Variants in GPC5 observed in about 807,000 individuals in gnomAD.
The protein encoded by GPC5 is glypican 5.
In GPC5, 47 loss-of-function variants were observed where a neutral mutation model predicts 53.9. That is an observed-to-expected ratio of 0.87 (90% CI 0.69 to 1.11). GPC5 has a LOEUF of 1.11. Ranked by LOEUF, GPC5 falls within the 50% of genes most tolerant of loss-of-function variation. GPC5 has a pLI of 0.00. For synonymous variants in GPC5, 286 were observed against 263.3 expected (o/e 1.09, Z -0.84); for missense variants, 748 against 713.1 (o/e 1.05, Z -0.56).
intron 7 of GPC5, among the ~76,000 whole-genome samples, chr13:92,167,439 C>T (rs762678965): frequency 1.3e-4 from 20 of 151,738 alleles, no homozygotes; most frequent in Non-Finnish European, 2.1e-4. Flanking sequence ...AAAAGCAATG[C>T]AAATGATTGA....
chr13:92,130,428 C>T (rs2041733863), intron 6 of GPC5, among the ~76,000 whole-genome samples: 1 of 151,378 alleles, frequency 6.6e-6, no homozygotes, highest in Admixed American at 6.6e-5. Context: ...ATATGATTAA[C>T]ACATTTTACA....
intron 7 of GPC5, among the ~76,000 whole-genome samples, chr13:92,781,893 G>A (rs760052560): frequency 2.1e-4 from 32 of 152,176 alleles, no homozygotes; most frequent in Admixed American, 8.5e-4. Flanking sequence ...CAGCTGTGAC[G>A]CTGCAGAGCA....
At chr13:91,599,949 C>A (rs115190769) in intron 2 of GPC5, among the ~76,000 whole-genome samples, 1 of 152,116 alleles carries the variant, frequency 6.6e-6, no homozygotes, top group African/African-American at 2.4e-5. Context: ...TGAAACGGAG[C>A]CTTGCTGTGT....
At chr13:91,399,237 C>T in intron 1 of GPC5, 28 bp downstream of exon 1, 1 of 1,601,996 alleles carries the variant, frequency 6.2e-7, no homozygotes, top group South Asian at 1.1e-5. Context: ...GGTCTCTGGA[C>T]TGGCGGCGTC....
intron 2 of GPC5, among the ~76,000 whole-genome samples, chr13:91,503,644 G>A (rs1566457401): frequency 6.6e-6 from 1 of 151,608 alleles, no homozygotes; most frequent in Non-Finnish European, 1.5e-5. Flanking sequence ...GCTGGGCATG[G>A]TGGTGTGTGC....
At chr13:92,589,986 G>A (rs1213084511) in intron 7 of GPC5, among the ~76,000 whole-genome samples, 1 of 152,198 alleles carries the variant, frequency 6.6e-6, no homozygotes, top group Non-Finnish European at 1.5e-5. Flanking sequence ...GAAGAGATGA[G>A]TGCATAATTA....
chr13:91,867,356 C>T (rs73614161), intron 5 of GPC5, among the ~76,000 whole-genome samples: 4,256 of 152,316 alleles, frequency 0.028, 210 homozygotes, highest in African/African-American at 0.096. Context: ...CTCTAATCTT[C>T]TACACCTTTT....
In GPC5 at chr13:92,459,979, G is replaced by A. The variant is rs114160018; in HGVS notation, c.1561+314990G>A. On this transcript the variant is annotated intron_variant, in intron 7 of 7. Coordinates refer to ENST00000377067, the MANE Select transcript of GPC5 (RefSeq NM_004466.6). ...TTTATCTTTGTATCTTTACCACATA[G>A]CAAAATAACTGGTAGAATTCACTTT... 3.2e-3 allele frequency among the ~76,000 whole-genome samples: 480 copies of A among 152,020 alleles called. 1 individual carries two copies. Among genetic ancestry groups the A allele is most frequent in the African/African-American group, 0.011 (443 of 41,494 alleles).
intron 7 of GPC5, among the ~76,000 whole-genome samples, chr13:92,488,172 C>A (rs1040642787): frequency 6.6e-6 from 1 of 152,036 alleles, no homozygotes; most frequent in Non-Finnish European, 1.5e-5. Context: ...TAAATTTAAT[C>A]CAGTATCAAA....
At chr13:92,118,942 T>C (rs754643095) in intron 6 of GPC5, among the ~76,000 whole-genome samples, 4 of 152,256 alleles carry the variant, frequency 2.6e-5, no homozygotes, top group African/African-American at 9.6e-5. Context: ...TTAAATACTT[T>C]AACCACTAAA....
chr13:91,608,041 T>C (rs762614879), intron 2 of GPC5, among the ~76,000 whole-genome samples: 3 of 152,218 alleles, frequency 2.0e-5, no homozygotes, highest in Non-Finnish European at 4.4e-5. Flanking sequence ...CATTTTCATA[T>C]TATTAAACAA....
intron 6 of GPC5, among the ~76,000 whole-genome samples, chr13:91,946,034 C>A (rs887825167): frequency 2.0e-5 from 3 of 152,016 alleles, no homozygotes; most frequent in Admixed American, 2.0e-4. Flanking sequence ...GGGGCGGGGG[C>A]TTCTACTTCT....
At chr13:91,984,704 A>G (rs955855056) in intron 6 of GPC5, among the ~76,000 whole-genome samples, 7 of 152,168 alleles carry the variant, frequency 4.6e-5, no homozygotes, top group African/African-American at 1.7e-4. Flanking sequence ...TTTCTTTTGT[A>G]AAGTGTTAGT....
intron 7 of GPC5, among the ~76,000 whole-genome samples, chr13:92,254,659 C>T (rs1379887787): frequency 3.9e-5 from 6 of 152,098 alleles, no homozygotes; most frequent in Admixed American, 1.3e-4. Flanking sequence ...CAGTTCCACA[C>T]GGCTGGGGAG....
intron 7 of GPC5, among the ~76,000 whole-genome samples, chr13:92,611,590 T>C (rs10161676): frequency 0.025 from 3,197 of 126,058 alleles, 92 homozygotes; most frequent in African/African-American, 0.14. Flanking sequence ...TCCTCAAGAG[T>C]TTTTTCATAT....
intron 7 of GPC5, among the ~76,000 whole-genome samples, chr13:92,350,024 G>A (rs894249780): frequency 6.6e-6 from 1 of 152,132 alleles, no homozygotes; most frequent in African/African-American, 2.4e-5. Flanking sequence ...CACATTAAAG[G>A]GATCATCCAT....
intron 5 of GPC5, among the ~76,000 whole-genome samples, chr13:91,796,431 G>A (rs1361397699): frequency 6.6e-6 from 1 of 152,232 alleles, no homozygotes; most frequent in Non-Finnish European, 1.5e-5. Flanking sequence ...GACCAGAAGA[G>A]TGTGCAGTTG....
chr13:91,536,672 C>T (rs1365535073), intron 2 of GPC5, among the ~76,000 whole-genome samples: 1 of 152,126 alleles, frequency 6.6e-6, no homozygotes, highest in Non-Finnish European at 1.5e-5. Flanking sequence ...ATTGTCTTTC[C>T]TCTCTGCATG....
chr13:92,597,100 C>T (rs1488670500), intron 7 of GPC5, among the ~76,000 whole-genome samples: 1 of 152,168 alleles, frequency 6.6e-6, no homozygotes, highest in African/African-American at 2.4e-5. Context: ...ATCACAAACA[C>T]TCTGTTAGGA....
Sources: gnomAD v4.1 joint callset for allele counts (sites outside exome capture counted in the v4.1 genomes callset) on GRCh38, gnomAD v4.1.1 for gene constraint, MANE v1.5 for transcripts, NCBI Gene and HGNC (gene_info 2026-07-23, HGNC 2026-07-21) for gene names.